The following ESRRG variants were observed in gnomAD, a reference collection of about 807,000 sequenced individuals.
ESRRG encodes the protein estrogen-related receptor gamma.
Under a neutral mutation model 44.0 loss-of-function variants are expected in ESRRG, and 13 were observed. The ratio of observed to expected loss-of-function variants is 0.30; its 90% CI spans 0.19 to 0.47. ESRRG has a LOEUF of 0.47. Among genes scored for constraint, ESRRG ranks in the 20% least tolerant of loss-of-function variants. ESRRG has a pLI of 1.00. For missense variants in ESRRG, 395 were observed against 580.6 expected (o/e 0.68, Z 3.29); for synonymous variants, 215 against 214.6 (o/e 1.00, Z -0.02).
At chr1:216,831,184 T>C (rs932935088) in intron 2 of ESRRG, among the ~76,000 whole-genome samples, 1 of 151,764 alleles carries the variant, frequency 6.6e-6, no homozygotes, top group Non-Finnish European at 1.5e-5. Flanking sequence ...AGGAGTTACG[T>C]GTCTGGTGCA....
At chr1:216,695,080 GA>G (rs1186912193) in intron 1 of ESRRG, among the ~76,000 whole-genome samples, 1 of 152,074 alleles carries the variant, frequency 6.6e-6, no homozygotes, top group Admixed American at 6.5e-5. Flanking sequence ...AAAAGAGAAT[GA>G]AAAGAAAGGA....
chr1:216,754,732 A>G (rs1418418388), intron 2 of ESRRG, among the ~76,000 whole-genome samples: 4 of 139,938 alleles, frequency 2.9e-5, no homozygotes, highest in African/African-American at 1.1e-4. Context: ...GCCACATTTT[A>G]ATCTAGTTGC....
At chr1:216,625,085 A>G (rs1413680950) in intron 3 of ESRRG, among the ~76,000 whole-genome samples, 1 of 152,134 alleles carries the variant, frequency 6.6e-6, no homozygotes, top group African/African-American at 2.4e-5. Context: ...CCACCCTCAG[A>G]CAGTGATCAT....
chr1:216,845,204 T>C (rs1577175309), intron 2 of ESRRG, among the ~76,000 whole-genome samples: 1 of 152,144 alleles, frequency 6.6e-6, no homozygotes, highest in African/African-American at 2.4e-5. Flanking sequence ...TTGGAAAATG[T>C]TTTTCTGTCT....
intron 2 of ESRRG, among the ~76,000 whole-genome samples, chr1:216,817,864 C>T (rs912583474): frequency 2.0e-5 from 3 of 152,018 alleles, no homozygotes; most frequent in African/African-American, 7.2e-5. Flanking sequence ...ATAAGAAGAT[C>T]AGCAGAACAG....
At chr1:216,927,753 C>T (rs2062783088) in intron 2 of ESRRG, among the ~76,000 whole-genome samples, 1 of 152,148 alleles carries the variant, frequency 6.6e-6, no homozygotes, top group Non-Finnish European at 1.5e-5. Flanking sequence ...GATGCTGGCA[C>T]CGCGGGACGG....
chr1:216,698,556 C>T (rs2080746141), intron 1 of ESRRG, among the ~76,000 whole-genome samples: 1 of 151,354 alleles, frequency 6.6e-6, no homozygotes, highest in Non-Finnish European at 1.5e-5. Flanking sequence ...CAAGTTTCCT[C>T]CTGGAGCACA....
intron 2 of ESRRG, among the ~76,000 whole-genome samples, chr1:216,750,361 CTT>C (rs1357253705): frequency 6.6e-6 from 1 of 152,110 alleles, no homozygotes; most frequent in African/African-American, 2.4e-5. Flanking sequence ...AAAGCTACCT[CTT>C]TTCTTTCTCT....
chr1:216,619,282 A>G (rs1468667935), intron 3 of ESRRG, among the ~76,000 whole-genome samples: 3 of 152,236 alleles, frequency 2.0e-5, no homozygotes, highest in African/African-American at 7.2e-5. Context: ...TTATTTAAAA[A>G]TATTAAATAC....
intron 1 of ESRRG, among the ~76,000 whole-genome samples, chr1:217,085,386 T>G (rs1401081978): frequency 6.6e-6 from 1 of 151,930 alleles, no homozygotes; most frequent in African/African-American, 2.4e-5. Context: ...CACCACTAAT[T>G]CCAATACAAA....
chr1:216,653,579 A>G (rs2069573438), intron 2 of ESRRG, among the ~76,000 whole-genome samples: 2 of 152,240 alleles, frequency 1.3e-5, no homozygotes, highest in Admixed American at 6.5e-5. Context: ...AGAATTATCT[A>G]TCTTTGCCAC....
intron 1 of ESRRG, among the ~76,000 whole-genome samples, chr1:217,115,683 A>G (rs1357239231): frequency 6.6e-6 from 1 of 152,124 alleles, no homozygotes; most frequent in African/African-American, 2.4e-5. Flanking sequence ...TGTCTCGTGC[A>G]TGCCTTCTTT....
chr1:216,671,371 G>C (rs1275782789), intron 2 of ESRRG, among the ~76,000 whole-genome samples: 6 of 152,176 alleles, frequency 3.9e-5, no homozygotes, highest in African/African-American at 1.4e-4. Flanking sequence ...CAGGGAGAGA[G>C]GGTTTACGAT....
At chr1:216,952,471 TA>T (rs1207674876) in intron 1 of ESRRG, among the ~76,000 whole-genome samples, 2 of 152,162 alleles carry the variant, frequency 1.3e-5, no homozygotes, top group African/African-American at 4.8e-5. Context: ...TCCTGAATCT[TA>T]CCCATTCAGA....
chr1:216,540,948 T>C (rs2052521096), intron 5 of ESRRG, among the ~76,000 whole-genome samples: 1 of 152,072 alleles, frequency 6.6e-6, no homozygotes, highest in African/African-American at 2.4e-5. Flanking sequence ...GATGTTTCTT[T>C]ATAACCCGGG....
At chr1:216,802,023 G>T (rs1273286287) in intron 2 of ESRRG, among the ~76,000 whole-genome samples, 1 of 152,074 alleles carries the variant, frequency 6.6e-6, no homozygotes, top group Non-Finnish European at 1.5e-5. Flanking sequence ...CAGTTAGTTT[G>T]CTTATTTATT....
chr1:217,029,174 G>A (rs1339673354), intron 1 of ESRRG, among the ~76,000 whole-genome samples: 2 of 152,310 alleles, frequency 1.3e-5, no homozygotes, highest in East Asian at 3.9e-4. Flanking sequence ...AAATGCCCAT[G>A]GGCGAACATG....
chr1:217,060,412 A>G (rs1386744843), intron 1 of ESRRG, among the ~76,000 whole-genome samples: 1 of 152,108 alleles, frequency 6.6e-6, no homozygotes, highest in Non-Finnish European at 1.5e-5. Context: ...GACTCTCTTA[A>G]AAGATTTCAT....
At chr1:216,617,466 G>C (rs1558837109) in intron 3 of ESRRG, among the ~76,000 whole-genome samples, 1 of 149,936 alleles carries the variant, frequency 6.7e-6, no homozygotes, top group Admixed American at 6.7e-5. Context: ...AGGCATATTA[G>C]ATGTAACATT....
Sources: gnomAD v4.1 joint callset for allele counts (sites outside exome capture counted in the v4.1 genomes callset) on GRCh38, gnomAD v4.1.1 for gene constraint, MANE v1.5 for transcripts, NCBI Gene and HGNC (gene_info 2026-07-23, HGNC 2026-07-21) for gene names.